CNTNAP2: variants seen among roughly 807,000 people sequenced by gnomAD.
The protein encoded by CNTNAP2 is contactin associated protein 2, also known as contactin-associated protein-like 2.
In CNTNAP2, 98 loss-of-function variants were observed where a neutral mutation model predicts 155.2. The observed-to-expected ratio is 0.63, with a 90% CI of 0.54 to 0.75. The LOEUF (loss-of-function observed/expected upper bound fraction) is 0.75. Among genes scored for constraint, CNTNAP2 ranks in the 30% least tolerant of loss-of-function variants. The probability of loss-of-function intolerance (pLI) is 0.00; values close to 1 mark genes in which losing one functional copy is unlikely to be tolerated. For synonymous variants in CNTNAP2, 651 were observed against 631.2 expected (o/e 1.03, Z -0.47); for missense variants, 1,727 against 1,688.1 (o/e 1.02, Z -0.40).
At chr7:146,425,889 A>T (rs2129115442) in intron 1 of CNTNAP2, among the ~76,000 whole-genome samples, 1 of 152,072 alleles carries the variant, frequency 6.6e-6, no homozygotes, top group Middle Eastern at 3.4e-3. Flanking sequence ...ATTAAAAGTT[A>T]AAAAAACAAA....
intron 13 of CNTNAP2, among the ~76,000 whole-genome samples, chr7:147,677,164 T>C (rs1317266617): frequency 6.6e-6 from 1 of 151,838 alleles, no homozygotes; most frequent in Non-Finnish European, 1.5e-5. Context: ...CTTTACATCC[T>C]CACCAACACT....
chr7:146,869,391 C>G (rs1406362469), intron 3 of CNTNAP2, among the ~76,000 whole-genome samples: 1 of 152,030 alleles, frequency 6.6e-6, no homozygotes, highest in African/African-American at 2.4e-5. Flanking sequence ...ATGGTAGATT[C>G]GCTTTTTGAT....
intron 1 of CNTNAP2, among the ~76,000 whole-genome samples, chr7:146,365,408 C>T (rs1465028108): frequency 6.6e-6 from 1 of 152,158 alleles, no homozygotes; most frequent in Non-Finnish European, 1.5e-5. Flanking sequence ...TTCACACATG[C>T]TCTCCAGGAT....
chr7:146,721,889 A>ATATATATATATATATATTT, intron 1 of CNTNAP2, among the ~76,000 whole-genome samples: 1 of 69,738 alleles, frequency 1.4e-5, no homozygotes, highest in African/African-American at 1.9e-4. Flanking sequence ...ATATATATAT[A>ATATATATATATATATATTT]TTTTTTTTTT....
At chr7:148,052,786 G>A (rs1361942768) in intron 15 of CNTNAP2, among the ~76,000 whole-genome samples, 1 of 152,206 alleles carries the variant, frequency 6.6e-6, no homozygotes, top group East Asian at 1.9e-4. Context: ...AGTGGCTCAC[G>A]CCTATAACCC....
At chr7:146,527,919 C>T (rs1031871437) in intron 1 of CNTNAP2, among the ~76,000 whole-genome samples, 3 of 152,038 alleles carry the variant, frequency 2.0e-5, no homozygotes, top group African/African-American at 4.8e-5. Context: ...TCAAAACCCT[C>T]GTTAGAGAAA....
intron 12 of CNTNAP2, among the ~76,000 whole-genome samples, chr7:147,563,109 T>C (rs1337414825): frequency 6.6e-6 from 1 of 152,206 alleles, no homozygotes; most frequent in Non-Finnish European, 1.5e-5. Flanking sequence ...CTGGCTTCAT[T>C]AATCACCACA....
At chr7:147,750,627 T>C (rs1797118363) in intron 13 of CNTNAP2, among the ~76,000 whole-genome samples, 1 of 152,254 alleles carries the variant, frequency 6.6e-6, no homozygotes, top group African/African-American at 2.4e-5. Context: ...GAACAAGGTC[T>C]ACTAATTTTT....
intron 1 of CNTNAP2, among the ~76,000 whole-genome samples, chr7:146,235,912 A>G (rs1799465392): frequency 6.6e-6 from 1 of 151,878 alleles, no homozygotes; most frequent in Admixed American, 6.6e-5. Flanking sequence ...ACTTATATTA[A>G]TTACCCATCA....
chr7:147,601,366 AG>A (rs1241054682), intron 12 of CNTNAP2, among the ~76,000 whole-genome samples: 1 of 142,560 alleles, frequency 7.0e-6, no homozygotes, highest in African/African-American at 2.6e-5. Flanking sequence ...TTACAGTCAA[AG>A]GGGGTTGTTC....
chr7:147,992,443 C>G (rs1217084370), intron 15 of CNTNAP2, among the ~76,000 whole-genome samples: 2 of 152,048 alleles, frequency 1.3e-5, no homozygotes, highest in Non-Finnish European at 2.9e-5. Flanking sequence ...AATCCTAATT[C>G]AAAAGTCGCC....
intron 1 of CNTNAP2, among the ~76,000 whole-genome samples, chr7:146,630,598 A>C (rs1373673376): frequency 6.6e-6 from 1 of 152,084 alleles, no homozygotes; most frequent in African/African-American, 2.4e-5. Flanking sequence ...CCCCACTAAC[A>C]TGGTAAAAGC....
chr7:147,090,649 G>T (rs1800382439), intron 4 of CNTNAP2, among the ~76,000 whole-genome samples: 1 of 151,856 alleles, frequency 6.6e-6, no homozygotes, highest in Non-Finnish European at 1.5e-5. Context: ...ATTATAAATT[G>T]TTGTGTTAGA....
intron 23 of CNTNAP2, among the ~76,000 whole-genome samples, chr7:148,412,397 G>A (rs528512857): frequency 2.0e-5 from 3 of 152,246 alleles, no homozygotes; most frequent in Non-Finnish European, 4.4e-5. Flanking sequence ...TTTACATGGT[G>A]TATCTATACG....
At chr7:148,122,825 G>T (rs1194118529) in intron 16 of CNTNAP2, among the ~76,000 whole-genome samples, 4 of 151,102 alleles carry the variant, frequency 2.6e-5, no homozygotes, top group Non-Finnish European at 5.9e-5. Context: ...CTCCAGCCTG[G>T]GTGACAGAGC....
intron 13 of CNTNAP2, among the ~76,000 whole-genome samples, chr7:147,858,191 A>T (rs1799073328): frequency 6.6e-6 from 1 of 152,168 alleles, no homozygotes; most frequent in African/African-American, 2.4e-5. Context: ...GGGTGCAAGC[A>T]ATTCTCTGCC....
rs5888292 is a variant in CNTNAP2 at position 147,878,443 on chromosome 7, C to CTT, written c.2099-25114_2099-25113dup. ...TCATTTGATAGTAATTTGAATTATT[C>CTT]TTTTTTTTTGAGATGTCTTTGTATT... On this transcript the variant is annotated intron_variant, in intron 13 of 23. Coordinates refer to ENST00000361727, the MANE Select transcript of CNTNAP2 (RefSeq NM_014141.6). Among the ~76,000 whole-genome samples, 61 of 151,062 alleles carry CTT rather than the reference C, an allele frequency of 4.0e-4. 2 individuals carry two copies. Among genetic ancestry groups the CTT allele is most frequent in the East Asian group, 5.8e-4 (3 of 5,134 alleles).
chr7:147,600,563 G>A (rs1054087468), intron 12 of CNTNAP2, among the ~76,000 whole-genome samples: 1 of 152,160 alleles, frequency 6.6e-6, no homozygotes, highest in Non-Finnish European at 1.5e-5. Flanking sequence ...CCTGTGAAAA[G>A]CATTCTTAGC....
At chr7:146,819,826 C>T (rs1389195233) in intron 2 of CNTNAP2, among the ~76,000 whole-genome samples, 1 of 152,082 alleles carries the variant, frequency 6.6e-6, no homozygotes, top group Admixed American at 6.6e-5. Context: ...TCCTTCTTTT[C>T]ACTTGCCATA....
Sources: gnomAD v4.1 joint callset for allele counts (sites outside exome capture counted in the v4.1 genomes callset) on GRCh38, gnomAD v4.1.1 for gene constraint, MANE v1.5 for transcripts, NCBI Gene and HGNC (gene_info 2026-07-23, HGNC 2026-07-21) for gene names.